PTPRT: variants seen among roughly 807,000 people sequenced by gnomAD.
PTPRT encodes the protein protein tyrosine phosphatase receptor type T.
Under a neutral mutation model 176.8 loss-of-function variants are expected in PTPRT, and 56 were observed. The ratio of observed to expected loss-of-function variants is 0.32; its 90% CI spans 0.26 to 0.40. The LOEUF (loss-of-function observed/expected upper bound fraction) is 0.40, where lower values mean the gene tolerates loss of function less well. Among genes scored for constraint, PTPRT ranks in the 10% least tolerant of loss-of-function variants. The probability of loss-of-function intolerance (pLI) is 1.00; values close to 1 mark genes in which losing one functional copy is unlikely to be tolerated. For missense variants in PTPRT, 1,540 were observed against 1,908.2 expected, an observed-to-expected ratio of 0.81 and a Z score of 3.60; for synonymous variants, 783 against 739.0, an observed-to-expected ratio of 1.06 and a Z score of -0.96.
At chr20:42,341,327 C>T (rs1276709878) in intron 11 of PTPRT, among the ~76,000 whole-genome samples, 1 of 152,060 alleles carries the variant, frequency 6.6e-6, no homozygotes, top group African/African-American at 2.4e-5. Context: ...TGACATTATC[C>T]ATCATCTTCA....
At chr20:43,162,786 G>T (rs2014733983) in intron 1 of PTPRT, among the ~76,000 whole-genome samples, 1 of 126,678 alleles carries the variant, frequency 7.9e-6, no homozygotes, top group Admixed American at 8.7e-5. Flanking sequence ...CAGCAGCTTG[G>T]CTCAGGCTGC....
At chr20:42,948,842 C>A (rs146445812) in intron 1 of PTPRT, among the ~76,000 whole-genome samples, 1 of 152,212 alleles carries the variant, frequency 6.6e-6, no homozygotes, top group Non-Finnish European at 1.5e-5. Context: ...ATCTGTATCA[C>A]CAGGCCTGAT....
At chr20:42,571,015 C>T (rs2073144588) in intron 7 of PTPRT, among the ~76,000 whole-genome samples, 1 of 152,094 alleles carries the variant, frequency 6.6e-6, no homozygotes, top group Admixed American at 6.6e-5. Flanking sequence ...CTAAGCCCCC[C>T]ACAGAAGAAA....
chr20:42,873,294 C>T (rs2078875530), intron 2 of PTPRT, among the ~76,000 whole-genome samples: 1 of 152,160 alleles, frequency 6.6e-6, no homozygotes, highest in African/African-American at 2.4e-5. Flanking sequence ...TCTCTTCGTG[C>T]CTCAATTTTC....
chr20:42,980,749 C>T (rs1334845424), intron 1 of PTPRT, among the ~76,000 whole-genome samples: 2 of 152,202 alleles, frequency 1.3e-5, no homozygotes, highest in Non-Finnish European at 2.9e-5. Context: ...TCCTGATAAG[C>T]TCCTCACCTC....
At chr20:42,166,373 T>C (rs958061865) in intron 16 of PTPRT, among the ~76,000 whole-genome samples, 1 of 152,214 alleles carries the variant, frequency 6.6e-6, no homozygotes, top group Non-Finnish European at 1.5e-5. Context: ...GAAATGTGCC[T>C]ACTGGTGCTG....
In PTPRT at chr20:42,074,173, C is replaced by A; in HGVS notation, c.*6706G>T. The A allele has an allele frequency of 4.4e-6, 1 of 227,712 alleles. No individual in the cohort carries two copies. Among genetic ancestry groups the A allele is most frequent in the Non-Finnish European group, 8.7e-6 (1 of 114,588 alleles). The allele number at this position is 227,712 out of a possible 1,614,324, so 14.1% of individuals were successfully genotyped here. On this transcript the variant is annotated 3_prime_UTR_variant, in exon 31 of 31. Coordinates refer to ENST00000373187, the MANE Select transcript of PTPRT (RefSeq NM_007050.6). ...TCTAAGCCTCCAGACTGCCCTGGGG[C>A]CTTTGACCCAAAGAACACCTGACAT...
chr20:42,214,918 G>T (rs1415964690), intron 15 of PTPRT, among the ~76,000 whole-genome samples: 2 of 152,192 alleles, frequency 1.3e-5, no homozygotes, highest in Non-Finnish European at 2.9e-5. Context: ...ATAGTCTTGG[G>T]CAATTGCTAA....
intron 11 of PTPRT, among the ~76,000 whole-genome samples, chr20:42,350,229 T>TTGTTTTG (rs1555830573): frequency 0.07 from 6,725 of 95,440 alleles, 291 homozygotes; most frequent in Admixed American, 0.12. Flanking sequence ...TTTTTTTTTT[T>TTGTTTTG]TTTTTTTTTT....
At position 43,182,022 on chromosome 20, in the gene PTPRT, T is replaced by A. The variant is rs528656885; in HGVS notation, c.88+7624A>T. Among the ~76,000 whole-genome samples, 9 of 152,348 alleles carry A rather than the reference T, an allele frequency of 5.9e-5. No homozygotes were observed. In the East Asian group the frequency reaches 1.7e-3, roughly 29 times the overall value. On this transcript the variant is annotated intron_variant, in intron 1 of 30. Coordinates refer to ENST00000373187, the MANE Select transcript of PTPRT (RefSeq NM_007050.6). ...AAGATCACCCAAGGCCACTAGTACC[T>A]GTGATGATCCAACATGAAGCACTGT...
the PTPRT span, among the ~76,000 whole-genome samples, chr20:42,056,372 C>G: frequency 6.6e-6 from 1 of 152,108 alleles, no homozygotes; most frequent in African/African-American, 2.4e-5. Flanking sequence ...AAAATATGCA[C>G]CAAATATGCT....
intron 15 of PTPRT, among the ~76,000 whole-genome samples, chr20:42,217,593 TG>T (rs1241038119): frequency 6.6e-6 from 1 of 152,202 alleles, no homozygotes; most frequent in Non-Finnish European, 1.5e-5. Context: ...GCTTCCTCTA[TG>T]CCAGGATTTC....
Position 42,791,960 on chromosome 20 carries a change from G to A in PTPRT, c.215-494C>T, listed in dbSNP as rs185755277. On this transcript the variant is annotated intron_variant, in intron 2 of 30. Transcript: ENST00000373187. ...GTATGTCCCCATCCCTTGACTTTGG[G>A]CTCCACCATATGACTTGTTTTGGTC... 4.1e-4 allele frequency among the ~76,000 whole-genome samples: 62 copies of A among 152,250 alleles called. No individual in the cohort carries two copies. In the East Asian group the frequency reaches 9.7e-3, roughly 24 times the overall value.
chr20:42,911,272 T>G (rs1222188364), intron 1 of PTPRT, among the ~76,000 whole-genome samples: 1 of 152,104 alleles, frequency 6.6e-6, no homozygotes, highest in Non-Finnish European at 1.5e-5. Context: ...TAGAATTTCT[T>G]AGAGGAATTC....
At chr20:42,156,094 G>T (rs554874167) in intron 17 of PTPRT, among the ~76,000 whole-genome samples, 1 of 152,090 alleles carries the variant, frequency 6.6e-6, no homozygotes, top group Non-Finnish European at 1.5e-5. Flanking sequence ...TATGCTAGCC[G>T]CTCTGCCTGG....
intron 1 of PTPRT, among the ~76,000 whole-genome samples, chr20:43,034,092 C>T (rs1305240155): frequency 6.6e-6 from 1 of 152,238 alleles, no homozygotes; most frequent in Non-Finnish European, 1.5e-5. Flanking sequence ...TGCCCTGGAG[C>T]TCATGCTCTT....
intron 1 of PTPRT, among the ~76,000 whole-genome samples, chr20:42,958,938 C>T (rs981269088): frequency 6.6e-6 from 1 of 152,214 alleles, no homozygotes; most frequent in South Asian, 2.1e-4. Context: ...TAATATGATG[C>T]AACCTCCACC....
At chr20:43,003,801 G>T (rs561284663) in intron 1 of PTPRT, among the ~76,000 whole-genome samples, 3 of 152,056 alleles carry the variant, frequency 2.0e-5, no homozygotes, top group Non-Finnish European at 2.9e-5. Context: ...GAGAAGCATG[G>T]TTTTAGATCT....
chr20:43,118,433 A>T (rs924536130), intron 1 of PTPRT, among the ~76,000 whole-genome samples: 2 of 152,044 alleles, frequency 1.3e-5, no homozygotes, highest in Admixed American at 1.3e-4. Flanking sequence ...GAAATAGGAA[A>T]ATATATTCCC....
Sources: gnomAD v4.1 joint callset for allele counts (sites outside exome capture counted in the v4.1 genomes callset) on GRCh38, gnomAD v4.1.1 for gene constraint, MANE v1.5 for transcripts, NCBI Gene and HGNC (gene_info 2026-07-23, HGNC 2026-07-21) for gene names.